ERN2: variants seen among roughly 807,000 people sequenced by gnomAD.
ERN2 encodes serine/threonine-protein kinase/endoribonuclease IRE2.
ERN2 carries 111 observed loss-of-function variants against 107.9 expected under a neutral mutation model. The observed-to-expected ratio is 1.03, with a 90% CI of 0.88 to 1.20. The LOEUF (loss-of-function observed/expected upper bound fraction) is 1.20, where lower values mean the gene tolerates loss of function less well. ERN2 is among the 50% of genes most tolerant of loss of function. ERN2 has a pLI of 0.00. For synonymous variants in ERN2, 524 were observed against 501.7 expected, an observed-to-expected ratio of 1.04 and a Z score of -0.59; for missense variants, 1,225 against 1,197.9, an observed-to-expected ratio of 1.02 and a Z score of -0.33.
chr16:23,711,630 T>C lies in ERN2; in HGVS notation c.94-612A>G, dbSNP rs768377791. Among the ~76,000 whole-genome samples, 145 of 152,128 alleles carry C rather than the reference T, an allele frequency of 9.5e-4. 1 individual carries two copies. Among genetic ancestry groups the C allele is most frequent in the Non-Finnish European group, 1.5e-3 (103 of 68,008 alleles). ...GCCTCAGCCTCCCAAAGTATTGGGA[T>C]TACAAGCATGAGCCACTGCACCCAT... On this transcript the variant is annotated intron_variant, in intron 1 of 21. Transcript: ENST00000256797.
At position 23,695,137 on chromosome 16, in the gene ERN2, C is replaced by T. The variant is rs1369114626; in HGVS notation, c.1801-19G>A. On this transcript the variant is annotated intron_variant, in intron 15 of 21. Transcript: ENST00000256797. ...CTACGTACTGAGCAGCAGCAAGGGC[C>T]AAAGCATCACTCTCCAGCCCGGACC... 6.2e-7 allele frequency: 1 copy of T among 1,613,666 alleles called. No homozygotes were observed. Among genetic ancestry groups the T allele is most frequent in the South Asian group, 1.1e-5 (1 of 91,068 alleles).
At position 23,700,913 on chromosome 16, in the gene ERN2, G is replaced by A. The variant is rs370897411; in HGVS notation, c.1359+46C>T. ...TGCTGAGTGGTCTCAGAGAGGAGAA[G>A]CAGCGTTCTCCCCAGATAGACCTGA... On this transcript the variant is annotated intron_variant, in intron 12 of 21. Coordinates refer to ENST00000256797, the MANE Select transcript of ERN2 (RefSeq NM_033266.4). 3 of 1,575,660 alleles carry A rather than the reference G, an allele frequency of 1.9e-6. No homozygotes were observed. The African/African-American group carries it at 4.1e-5, about 21-fold the overall frequency.
In ERN2 at chr16:23,695,346, G is replaced by A; in HGVS notation, c.1654C>T (p.Arg552Cys). Residue 552 changes from arginine to cysteine, a missense_variant, in exon 15 of 22, where the codon CGC (arginine) becomes TGC (cysteine). Transcript: ENST00000256797. Reference sequence around the variant, plus strand: ...CGCCGAACCAGGCCAAAGCACTCGCGGAGGAGCCGCTTGACAGCCACTGCC... The same window carrying A: ...CGCCGAACCAGGCCAAAGCACTCGCAGAGGAGCCGCTTGACAGCCACTGCC... ...GRAVAVKRLL[R>C]ECFGLVRREV... is the part of the protein sequence containing the mutation. The A allele has an allele frequency of 3.7e-6, 6 of 1,609,510 alleles. No homozygotes were observed. The highest frequency in any genetic ancestry group is 4.2e-6 in the Non-Finnish European group (5 of 1,178,112).
rs1411041289 is a variant in ERN2 at position 23,713,211 on chromosome 16, G to A, written c.-24C>T. 1 of 1,579,726 alleles carries A rather than the reference G, an allele frequency of 6.3e-7. No individual in the cohort carries two copies. Among genetic ancestry groups the A allele is most frequent in the Non-Finnish European group, 8.5e-7 (1 of 1,170,118 alleles). On this transcript the variant is annotated 5_prime_UTR_variant, in exon 1 of 22. Transcript: ENST00000256797. Reference sequence around the variant, plus strand: ...ATAGCGCCTGGGCAGCTGCACGGCTGGCCAGGTCCCTGGGTGCCTCCAAGG... The same window carrying A: ...ATAGCGCCTGGGCAGCTGCACGGCTAGCCAGGTCCCTGGGTGCCTCCAAGG...
rs140521756 is a variant in ERN2 at position 23,702,442 on chromosome 16, A to T, written c.1029T>A (p.Ala343=). The change falls in exon 10 of 22, where the codon GCT becomes GCA. Residue 343 remains alanine, a synonymous_variant. Transcript: ENST00000256797. ...SGEREGSPST[A]VRYPSGSVAL... Reference sequence around the variant, plus strand: ...CCACACTGCCTGAGGGGTATCTAACAGCAGTGCTGGGTGAGCCCTCTCGCT... The same window carrying T: ...CCACACTGCCTGAGGGGTATCTAACTGCAGTGCTGGGTGAGCCCTCTCGCT... The T allele has an allele frequency of 4.6e-4, 742 of 1,613,644 alleles. No homozygotes were observed. Among genetic ancestry groups the T allele is most frequent in the Non-Finnish European group, 5.8e-4 (683 of 1,180,028 alleles).
Position 23,695,715 on chromosome 16 carries a change from C to G in ERN2, c.1610+179G>C, listed in dbSNP as rs556694475. Reference sequence around the variant, plus strand: ...CTGCCCTCCAGCCTGGGCAACAGAGCAAGACTCAAAAAAAAAAAAAAAAAA... The same window carrying G: ...CTGCCCTCCAGCCTGGGCAACAGAGGAAGACTCAAAAAAAAAAAAAAAAAA... On this transcript the variant is annotated intron_variant, in intron 14 of 21. Coordinates refer to ENST00000256797, the MANE Select transcript of ERN2 (RefSeq NM_033266.4). Among the ~76,000 whole-genome samples, 8 of 86,208 alleles carry G rather than the reference C, an allele frequency of 9.3e-5. No homozygotes were observed. In the East Asian group the frequency reaches 2.6e-3, roughly 28 times the overall value. The allele number at this position is 86,208 out of a possible 152,430, so 56.6% of individuals were successfully genotyped here. A position where few individuals can be genotyped will look rare whatever the true frequency, so the allele number is the denominator to read the frequency against.
In ERN2 at chr16:23,690,571, C is replaced by T. The variant is rs908473897; in HGVS notation, c.*260G>A. 8 of 514,642 alleles carry T rather than the reference C, an allele frequency of 1.6e-5. No individual in the cohort carries two copies. The highest frequency in any genetic ancestry group is 9.6e-5 in the African/African-American group (5 of 52,312). The allele number at this position is 514,642 out of a possible 1,614,324, so 31.9% of individuals were successfully genotyped here. Reference sequence around the variant, plus strand: ...CTGGGCTCAAGTGATTCTCCCACCTCAGCCTCCCAAGCAGCTGGGACTACA... The same window carrying T: ...CTGGGCTCAAGTGATTCTCCCACCTTAGCCTCCCAAGCAGCTGGGACTACA... On this transcript the variant is annotated 3_prime_UTR_variant, in exon 22 of 22. Transcript: ENST00000256797.
At chr16:23,697,208 A>AAT (rs1959867001) in intron 13 of ERN2, 1 of 150,468 alleles carries the variant, frequency 6.6e-6, no homozygotes, top group East Asian at 1.9e-4. Context: ...TAATAATAAT[A>AAT]ATAATAAAAT....
chr16:23,699,242 C>T (rs989634997), intron 13 of ERN2, among the ~76,000 whole-genome samples: 4 of 152,140 alleles, frequency 2.6e-5, no homozygotes, highest in African/African-American at 4.8e-5. Context: ...GCGGACATTG[C>T]GAACAGCACT....
rs201823597 is a variant in ERN2 at position 23,705,064 on chromosome 16, G to A, written c.673C>T (p.Leu225=). The change falls in exon 8 of 22, where the codon CTG becomes TTG. Residue 225 remains leucine, a synonymous_variant. Coordinates refer to ENST00000256797, the MANE Select transcript of ERN2 (RefSeq NM_033266.4). ...TAGACGCCCATCACAGGCACGCCCA[G>A]GTCCTGTGTCCACAGCACCGTCCCG... The part of the protein sequence containing the change: ...GSGTVLWTQD[L]GVPVMGVYTW... The A allele has an allele frequency of 2.5e-6, 4 of 1,613,992 alleles. No individual in the cohort carries two copies. The highest frequency in any genetic ancestry group is 2.2e-5 in the East Asian group (1 of 44,862).
Position 23,692,347 on chromosome 16 carries a change from T to C in ERN2, c.2101-16A>G. On this transcript the variant is annotated splice_polypyrimidine_tract_variant and intron_variant, in intron 17 of 21. Coordinates refer to ENST00000256797, the MANE Select transcript of ERN2 (RefSeq NM_033266.4). ...CAGCGCTGGTCTGGAGCCAGAGAGATGGGCATGAGAAGGAAATCTCTGCTT... is the reference window on the plus strand; with the variant it reads ...CAGCGCTGGTCTGGAGCCAGAGAGACGGGCATGAGAAGGAAATCTCTGCTT... 1 of 1,609,960 alleles carries C rather than the reference T, an allele frequency of 6.2e-7. No homozygotes were observed. The highest frequency in any genetic ancestry group is 2.2e-5 in the East Asian group (1 of 44,882).
Position 23,710,566 on chromosome 16 carries a change from A to G in ERN2, c.200-17T>C. 1 of 1,614,092 alleles carries G rather than the reference A, an allele frequency of 6.2e-7. No homozygotes were observed. The highest frequency in any genetic ancestry group is 8.5e-7 in the Non-Finnish European group (1 of 1,179,908). On this transcript the variant is annotated splice_polypyrimidine_tract_variant and intron_variant, in intron 2 of 21. Coordinates refer to ENST00000256797, the MANE Select transcript of ERN2 (RefSeq NM_033266.4). ...TGACGGGATCTGCAGGGACAGGGAC[A>G]CAGAACATAAGCAGTTTCCTCCAGA... is the stretch of plus-strand genomic sequence containing the variant.
chr16:23,701,071 T>A lies in ERN2; in HGVS notation c.1247A>T (p.His416Leu). The change falls in exon 12 of 22, where the codon CAT (histidine) becomes CTT (leucine). Residue 416 changes from histidine (H) to leucine (L), a missense_variant. Coordinates refer to ENST00000256797, the MANE Select transcript of ERN2 (RefSeq NM_033266.4). ...AGAGTCTGGAGTTTTTTCTTCTGGA[T>A]GCAGCTCGGAGTCCCAAAGTTTCTC... Reference protein sequence around the residue: ...SREKLWDSELHPEEKTPDSYL... With the variant: ...SREKLWDSELLPEEKTPDSYL... The A allele has an allele frequency of 6.2e-7, 1 of 1,614,194 alleles. No individual in the cohort carries two copies.
intron 12 of ERN2, 108 bp from the exon 13 acceptor site, chr16:23,700,812 G>A: frequency 6.8e-7 from 1 of 1,478,608 alleles, no homozygotes; most frequent in Non-Finnish European, 9.1e-7. Flanking sequence ...AACTTACAGA[G>A]CAAGATCGCA....
Position 23,702,752 on chromosome 16 carries a change from A to G in ERN2, c.855-50T>C, listed in dbSNP as rs758602316. The G allele has an allele frequency of 2.7e-6, 4 of 1,480,512 alleles. No individual in the cohort carries two copies. The Admixed American group carries it at 5.0e-5, about 19-fold the overall frequency. The allele number at this position is 1,480,512 out of a possible 1,614,324, so 91.7% of individuals were successfully genotyped here. On this transcript the variant is annotated intron_variant, in intron 8 of 21. Transcript: ENST00000256797. ...AGAAGAATGAATGCTGGTGATGGGT[A>G]GTTTCAGTTATCAAGGTACTCATGC...
intron 13 of ERN2, 111 bp downstream of exon 13, chr16:23,700,428 G>A (rs1959998077): frequency 2.8e-6 from 3 of 1,057,286 alleles, no homozygotes; most frequent in Non-Finnish European, 2.8e-6. Flanking sequence ...CTTAATTCAT[G>A]TAGACCTAAC....
Position 23,690,780 on chromosome 16 carries a change from A to C in ERN2, c.*51T>G. 1 of 1,472,548 alleles carries C rather than the reference A, an allele frequency of 6.8e-7. No individual in the cohort carries two copies. The highest frequency in any genetic ancestry group is 1.2e-5 in the South Asian group (1 of 86,362). 91.2% of individuals were successfully genotyped at this position (1,472,548 alleles called of 1,614,324 possible). On this transcript the variant is annotated 3_prime_UTR_variant, in exon 22 of 22. Transcript: ENST00000256797. ...TGATTCTGAGGCCAGCCACAGGCTC[A>C]GCTCTTCAGTGAGCCAGCACGGAGA...
In ERN2 at chr16:23,707,177, A is replaced by G. The variant is rs563642266; in HGVS notation, c.307-98T>C. The G allele has an allele frequency of 1.3e-4, 113 of 840,524 alleles. 4 individuals carry two copies. The South Asian group carries it at 1.5e-3, about 11-fold the overall frequency. The allele number at this position is 840,524 out of a possible 1,614,324, so 52.1% of individuals were successfully genotyped here. ...TTTCCATAGCAACCAATTAACAGGT[A>G]TTACTATCATTTCCACTTTTCAGGT... is the stretch of plus-strand genomic sequence containing the variant. On this transcript the variant is annotated intron_variant, in intron 4 of 21. Transcript: ENST00000256797.
chr16:23,708,547 G>T (rs544495541), intron 4 of ERN2, among the ~76,000 whole-genome samples: 2 of 151,694 alleles, frequency 1.3e-5, no homozygotes, highest in East Asian at 3.9e-4. Context: ...TGGTAGAGAC[G>T]GGGTTTCACC....
Sources: allele counts gnomAD v4.1 joint callset (sites outside exome capture counted in the v4.1 genomes callset), GRCh38; gene constraint gnomAD v4.1.1; transcripts MANE v1.5; gene names NCBI Gene and HGNC (gene_info 2026-07-23, HGNC 2026-07-21).